DGKB: variants seen among roughly 807,000 people sequenced by gnomAD.
DGKB encodes 90 kDa diacylglycerol kinase.
Under a neutral mutation model 114.3 loss-of-function variants are expected in DGKB, and 67 were observed. The observed-to-expected ratio is 0.59, with a 90% CI of 0.48 to 0.72. The LOEUF (loss-of-function observed/expected upper bound fraction) is 0.72. Ranked by LOEUF, DGKB falls within the 30% of genes least tolerant of loss-of-function variation. The pLI is 0.00. For missense variants in DGKB, 907 were observed against 975.2 expected, an observed-to-expected ratio of 0.93 and a Z score of 0.93; for synonymous variants, 398 against 323.1, an observed-to-expected ratio of 1.23 and a Z score of -2.49.
intron 4 of DGKB, among the ~76,000 whole-genome samples, chr7:14,745,584 G>A (rs1228225633): frequency 6.6e-6 from 1 of 152,174 alleles, no homozygotes; most frequent in Non-Finnish European, 1.5e-5. Flanking sequence ...AAATCAATGT[G>A]TAGTGGCTCA....
chr7:14,493,402 C>A (rs757268709), intron 20 of DGKB, among the ~76,000 whole-genome samples: 1 of 151,940 alleles, frequency 6.6e-6, no homozygotes, highest in African/African-American at 2.4e-5. Flanking sequence ...ATAACAATAA[C>A]TAATAATAAA....
chr7:14,681,316 A>C (rs1220309805), intron 12 of DGKB, among the ~76,000 whole-genome samples: 1 of 152,088 alleles, frequency 6.6e-6, no homozygotes, highest in East Asian at 1.9e-4. Context: ...TAATTTAACT[A>C]ATAGCTGAAA....
intron 23 of DGKB, among the ~76,000 whole-genome samples, chr7:14,249,039 G>A (rs1035995973): frequency 3.2e-4 from 49 of 152,020 alleles, no homozygotes; most frequent in Middle Eastern, 3.2e-3. Context: ...TTTGGTGAGC[G>A]TCTTTATTAC....
At chr7:14,335,470 C>A (rs535994913) in intron 23 of DGKB, among the ~76,000 whole-genome samples, 15 of 152,024 alleles carry the variant, frequency 9.9e-5, no homozygotes, top group African/African-American at 1.9e-4. Flanking sequence ...GTTGAAACTT[C>A]TGATAATTTT....
chr7:14,815,483 G>A (rs1431255959), intron 2 of DGKB, among the ~76,000 whole-genome samples: 1 of 152,172 alleles, frequency 6.6e-6, no homozygotes, highest in Non-Finnish European at 1.5e-5. Flanking sequence ...TGAGATACAG[G>A]TTGCCCCATT....
At chr7:14,295,597 T>C (rs555718614) in intron 23 of DGKB, among the ~76,000 whole-genome samples, 1 of 152,108 alleles carries the variant, frequency 6.6e-6, no homozygotes, top group East Asian at 1.9e-4. Context: ...TTTTCTGTGA[T>C]AGTTTATTTT....
intron 8 of DGKB, among the ~76,000 whole-genome samples, chr7:14,695,501 T>C (rs1823687092): frequency 8.3e-6 from 1 of 120,978 alleles, no homozygotes. Flanking sequence ...TCTCTTTTTT[T>C]TTTTTTTTTT....
At chr7:14,964,454 C>G (rs777793755) in intron 1 of DGKB, among the ~76,000 whole-genome samples, 62 of 152,180 alleles carry the variant, frequency 4.1e-4, no homozygotes, top group Admixed American at 1.1e-3. Context: ...GAGCTAAGAT[C>G]GCACCATTGC....
chr7:14,731,156 G>T (rs1227856202), intron 5 of DGKB, among the ~76,000 whole-genome samples: 1 of 152,146 alleles, frequency 6.6e-6, no homozygotes, highest in Non-Finnish European at 1.5e-5. Context: ...GAAGTGGATA[G>T]ATTCTTGGAT....
Position 14,764,739 on chromosome 7 carries a change from C to T in DGKB, c.71-7008G>A, listed in dbSNP as rs114305549. Among the ~76,000 whole-genome samples the T allele has an allele frequency of 6.6e-3, 1,004 of 151,030 alleles. 11 individuals carry two copies. The highest frequency in any genetic ancestry group is 0.023 in the African/African-American group (942 of 41,124). Reference sequence around the variant, plus strand: ...ATATATATTTTGTCTGATTGCTACACGGGGAACTTCTTTTAGGGAAGAAAA... The same window carrying T: ...ATATATATTTTGTCTGATTGCTACATGGGGAACTTCTTTTAGGGAAGAAAA... On this transcript the variant is annotated intron_variant, in intron 2 of 25. Transcript: ENST00000402815.
intron 20 of DGKB, among the ~76,000 whole-genome samples, chr7:14,573,895 A>G (rs1471222170): frequency 2.0e-5 from 3 of 152,166 alleles, no homozygotes; most frequent in Admixed American, 2.0e-4. Context: ...CTTATACTCT[A>G]AAACTTGTAA....
At chr7:14,560,969 T>C (rs1033885219) in intron 20 of DGKB, among the ~76,000 whole-genome samples, 6 of 152,212 alleles carry the variant, frequency 3.9e-5, no homozygotes, top group African/African-American at 1.4e-4. Context: ...TAGAAATATA[T>C]ACTGGTTCAT....
intron 23 of DGKB, among the ~76,000 whole-genome samples, chr7:14,289,281 T>C (rs1387952889): frequency 6.6e-6 from 1 of 151,744 alleles, no homozygotes; most frequent in South Asian, 2.1e-4. Context: ...ACATTAGTAA[T>C]GAGACAAATA....
intron 1 of DGKB, among the ~76,000 whole-genome samples, chr7:14,854,963 G>A (rs1490762425): frequency 6.6e-6 from 1 of 152,086 alleles, no homozygotes; most frequent in Non-Finnish European, 1.5e-5. Flanking sequence ...TGCATGATGA[G>A]ATGTAATGCA....
chr7:14,214,517 T>G lies in DGKB; in HGVS notation c.2123-36366A>C, dbSNP rs547193612. 3.6e-3 allele frequency among the ~76,000 whole-genome samples: 542 copies of G among 152,228 alleles called. 9 individuals are homozygous for G. Among genetic ancestry groups the G allele is most frequent in the Admixed American group, 7.7e-3 (118 of 15,268 alleles). ...ATATGTAAATATTATATGGTACTTA[T>G]TTCTGGATAAGGGGATAAATGCATT... On this transcript the variant is annotated intron_variant, in intron 23 of 25. Transcript: ENST00000402815.
intron 15 of DGKB, among the ~76,000 whole-genome samples, chr7:14,615,789 T>TATTA (rs1806399696): frequency 6.6e-6 from 1 of 151,776 alleles, no homozygotes; most frequent in Non-Finnish European, 1.5e-5. Flanking sequence ...AAATTGTGGA[T>TATTA]ATTATCACAT....
intron 23 of DGKB, among the ~76,000 whole-genome samples, chr7:14,217,409 T>G (rs1289799720): frequency 2.0e-5 from 3 of 152,096 alleles, no homozygotes; most frequent in African/African-American, 7.2e-5. Context: ...CCAGTTGCAA[T>G]CTGTATAATT....
intron 5 of DGKB, among the ~76,000 whole-genome samples, chr7:14,734,941 G>A (rs569281517): frequency 6.6e-6 from 1 of 152,256 alleles, no homozygotes; most frequent in South Asian, 2.1e-4. Context: ...AAGGCACAGG[G>A]GTTGGGGCGG....
intron 20 of DGKB, among the ~76,000 whole-genome samples, chr7:14,487,268 G>T (rs372012202): frequency 7.8e-4 from 119 of 152,094 alleles, no homozygotes; most frequent in African/African-American, 2.7e-3. Context: ...AGTTTCCTCC[G>T]GTTTGCTTGA....
Sources: gnomAD v4.1 joint callset for allele counts (sites outside exome capture counted in the v4.1 genomes callset) on GRCh38, gnomAD v4.1.1 for gene constraint, MANE v1.5 for transcripts, NCBI Gene and HGNC (gene_info 2026-07-23, HGNC 2026-07-21) for gene names.